The following RNLS variants were observed in gnomAD, a reference collection of about 807,000 sequenced individuals.
The protein encoded by RNLS is renalase.
A neutral mutation model predicts 39.8 loss-of-function variants in RNLS; 39 were observed. The ratio of observed to expected loss-of-function variants is 0.98; its 90% CI spans 0.76 to 1.28. The LOEUF (loss-of-function observed/expected upper bound fraction) is 1.28. RNLS is among the 50% of genes most tolerant of loss of function. RNLS has a pLI of 0.00. For missense variants in RNLS, 410 were observed against 413.3 expected, an observed-to-expected ratio of 0.99 and a Z score of 0.07; for synonymous variants, 147 against 150.7, an observed-to-expected ratio of 0.98 and a Z score of 0.18.
chr10:88,407,319 A>G (rs1470183912), intron 4 of RNLS, among the ~76,000 whole-genome samples: 5 of 152,156 alleles, frequency 3.3e-5, no homozygotes, highest in South Asian at 2.1e-4. Flanking sequence ...TCCTCATGAA[A>G]AAAATGCAAC....
chr10:88,244,998 T>C, the RNLS span, among the ~76,000 whole-genome samples: 1 of 152,138 alleles, frequency 6.6e-6, no homozygotes, highest in African/African-American at 2.4e-5. Context: ...CGTGATCAGT[T>C]GAGTGGTCAG....
At chr10:88,264,803 A>C in the RNLS span, among the ~76,000 whole-genome samples, 1 of 152,030 alleles carries the variant, frequency 6.6e-6, no homozygotes, top group South Asian at 2.1e-4. Context: ...TACTCTGCTG[A>C]TTGTTTCTTT....
chr10:88,449,856 TTAAAC>T (rs1193485566), intron 4 of RNLS, among the ~76,000 whole-genome samples: 2 of 152,194 alleles, frequency 1.3e-5, no homozygotes, highest in Non-Finnish European at 2.9e-5. Flanking sequence ...GTTTCTAACA[TTAAAC>T]TAAAGAATGT....
chr10:88,581,810 A>G, intron 2 of RNLS, 101 bp from the exon 3 acceptor site: 10 of 762,340 alleles, frequency 1.3e-5, no homozygotes, highest in Non-Finnish European at 1.5e-5. Context: ...ATAATTCAAA[A>G]TCAAAATTAG....
At chr10:88,227,133 T>C in the RNLS span, among the ~76,000 whole-genome samples, 1 of 152,176 alleles carries the variant, frequency 6.6e-6, no homozygotes, top group African/African-American at 2.4e-5. Context: ...CAAAAAAGAC[T>C]GAAATGTTTA....
At position 88,398,908 on chromosome 10, in the gene RNLS, A is replaced by G. The variant is rs191953707; in HGVS notation, c.527-36183T>C. ...TATCCAATAGGGAACTTCTATCTAA[A>G]ATACACAAAGAACTCTTATAATTCA... On this transcript the variant is annotated intron_variant, in intron 4 of 6. Coordinates refer to ENST00000331772, the MANE Select transcript of RNLS (RefSeq NM_001031709.3). 3.3e-5 allele frequency among the ~76,000 whole-genome samples: 5 copies of G among 152,190 alleles called. No individual in the cohort carries two copies. The East Asian group carries it at 9.7e-4, about 29-fold the overall frequency.
intron 5 of RNLS, among the ~76,000 whole-genome samples, chr10:88,334,997 C>T (rs1424872780): frequency 6.6e-6 from 1 of 152,130 alleles, no homozygotes. Flanking sequence ...GTCAAAATTT[C>T]AACAACTTAC....
intron 4 of RNLS, among the ~76,000 whole-genome samples, chr10:88,363,607 T>C (rs925609904): frequency 6.6e-6 from 1 of 152,032 alleles, no homozygotes; most frequent in African/African-American, 2.4e-5. Context: ...ACCCTACTCA[T>C]TACAAGCACA....
chr10:88,387,880 A>C (rs1411089365), intron 4 of RNLS, among the ~76,000 whole-genome samples: 4 of 152,170 alleles, frequency 2.6e-5, no homozygotes, highest in African/African-American at 9.7e-5. Flanking sequence ...GACAGGAGTG[A>C]AGGGCTCCCT....
the RNLS span, among the ~76,000 whole-genome samples, chr10:88,218,691 C>G: frequency 2.0e-5 from 3 of 152,206 alleles, no homozygotes; most frequent in Non-Finnish European, 2.9e-5. Context: ...TACCTCAATT[C>G]CCCTGCCTCT....
In RNLS at chr10:88,572,419, C is replaced by A. The variant is rs77114210; in HGVS notation, c.526+484G>T. Among the ~76,000 whole-genome samples, 1,374 of 152,234 alleles carry A rather than the reference C, an allele frequency of 9.0e-3. 20 individuals are homozygous for A. Among genetic ancestry groups the A allele is most frequent in the African/African-American group, 0.031 (1,300 of 41,518 alleles). Reference sequence around the variant, plus strand: ...GGCTCTTCTGGCATAATTTCAGCTTCTTCAGCAAAATTTACTCATCCCCTC... The same window carrying A: ...GGCTCTTCTGGCATAATTTCAGCTTATTCAGCAAAATTTACTCATCCCCTC... On this transcript the variant is annotated intron_variant, in intron 4 of 6. Transcript: ENST00000331772.
intron 5 of RNLS, among the ~76,000 whole-genome samples, chr10:88,319,943 C>T (rs1464346366): frequency 4.6e-5 from 7 of 151,818 alleles, no homozygotes; most frequent in African/African-American, 7.3e-5. Context: ...AGAAAACTCT[C>T]GCAAGATACT....
At chr10:88,438,172 C>T (rs1358044873) in intron 4 of RNLS, among the ~76,000 whole-genome samples, 1 of 151,144 alleles carries the variant, frequency 6.6e-6, no homozygotes, top group Non-Finnish European at 1.5e-5. Flanking sequence ...CCCATTCCTT[C>T]CTCAGACTTT....
intron 3 of RNLS, among the ~76,000 whole-genome samples, chr10:88,579,502 G>A (rs1236353561): frequency 6.6e-6 from 1 of 152,128 alleles, no homozygotes; most frequent in Non-Finnish European, 1.5e-5. Flanking sequence ...AGAGATAGGA[G>A]GGCAGGAGAA....
At chr10:88,189,133 C>T in the RNLS span, among the ~76,000 whole-genome samples, 2 of 152,058 alleles carry the variant, frequency 1.3e-5, no homozygotes, top group Non-Finnish European at 2.9e-5. Context: ...CAAAGAGAAC[C>T]ACATATATGT....
At chr10:88,251,554 A>G in the RNLS span, among the ~76,000 whole-genome samples, 1 of 152,162 alleles carries the variant, frequency 6.6e-6, no homozygotes, top group Non-Finnish European at 1.5e-5. Context: ...AAGAGCATGG[A>G]ATGGATTGGG....
chr10:88,271,908 G>A (rs1432557250), downstream of RNLS, among the ~76,000 whole-genome samples: 2 of 152,192 alleles, frequency 1.3e-5, no homozygotes, highest in African/African-American at 4.8e-5. Context: ...CGAAGGCCAG[G>A]ACAGATAGTG....
intron 4 of RNLS, among the ~76,000 whole-genome samples, chr10:88,501,919 GA>G (rs1168834182): frequency 6.6e-6 from 1 of 152,056 alleles, no homozygotes; most frequent in Admixed American, 6.6e-5. Flanking sequence ...TAATAATATG[GA>G]AACAGCCCGA....
At chr10:88,451,847 C>T (rs1043047901) in intron 4 of RNLS, among the ~76,000 whole-genome samples, 5 of 152,124 alleles carry the variant, frequency 3.3e-5, no homozygotes, top group Admixed American at 1.3e-4. Flanking sequence ...CTTTCTTCTC[C>T]GATACTTTTC....
Sources: gnomAD v4.1 joint callset for allele counts (sites outside exome capture counted in the v4.1 genomes callset) on GRCh38, gnomAD v4.1.1 for gene constraint, MANE v1.5 for transcripts, NCBI Gene and HGNC (gene_info 2026-07-23, HGNC 2026-07-21) for gene names.